OCA2: variants seen among roughly 807,000 people sequenced by gnomAD.
OCA2 encodes OCA2 melanosomal transmembrane protein.
OCA2 carries 77 observed loss-of-function variants against 100.2 expected under a neutral mutation model. The ratio of observed to expected loss-of-function variants is 0.77; its 90% confidence interval spans 0.64 to 0.93. The LOEUF is 0.93. Ranked by LOEUF, OCA2 falls within the 40% of genes least tolerant of loss-of-function variation. OCA2 has a pLI of 0.00. For missense variants in OCA2, 1,062 were observed against 1,089.1 expected (o/e 0.98, Z 0.35); for synonymous variants, 432 against 439.2 (o/e 0.98, Z 0.21).
chr15:27,819,996 C>T (rs766093582), intron 23 of OCA2, among the ~76,000 whole-genome samples: 9 of 152,232 alleles, frequency 5.9e-5, no homozygotes, highest in Middle Eastern at 3.4e-3. Flanking sequence ...ACGATGTTAG[C>T]GGCACACATC....
intron 19 of OCA2, among the ~76,000 whole-genome samples, chr15:27,872,972 G>GAGCCA (rs1157920719): frequency 6.6e-6 from 1 of 152,220 alleles, no homozygotes; most frequent in Non-Finnish European, 1.5e-5. Flanking sequence ...TTACAGGCGT[G>GAGCCA]AGCCAACGTG....
At chr15:28,082,023 A>AC (rs1391123997) in intron 1 of OCA2, 128 bp from the exon 2 acceptor site, 4 of 753,256 alleles carry the variant, frequency 5.3e-6, no homozygotes, top group Non-Finnish European at 8.9e-6. Flanking sequence ...CATCCTAACC[A>AC]CGCAAGAGCA....
intron 14 of OCA2, among the ~76,000 whole-genome samples, chr15:27,974,389 T>G (rs2040899594): frequency 6.6e-6 from 1 of 152,236 alleles, no homozygotes; most frequent in Non-Finnish European, 1.5e-5. Flanking sequence ...TTATCTCTAC[T>G]GAAGACACTG....
At position 27,755,832 on chromosome 15, in the gene OCA2, C is replaced by T. The variant is rs969120359; in HGVS notation, c.2433-360G>A. ...TTCCTCTACTTGTGTCATCTTCCAA[C>T]TTTTCTTCTCTGGAGATTTCCCAGA... On this transcript the variant is annotated intron_variant, in intron 23 of 23. Transcript: ENST00000354638. Among the ~76,000 whole-genome samples, 10 of 152,320 alleles carry T rather than the reference C, an allele frequency of 6.6e-5. No individual in the cohort carries two copies. In the South Asian group the frequency reaches 8.3e-4, roughly 13 times the overall value.
intron 23 of OCA2, among the ~76,000 whole-genome samples, chr15:27,782,334 G>A (rs1050847650): frequency 2.0e-5 from 3 of 152,186 alleles, no homozygotes; most frequent in African/African-American, 7.2e-5. Flanking sequence ...ACAAAACACA[G>A]TACAGCTGTC....
intron 23 of OCA2, 34 bp from the exon 24 acceptor site, chr15:27,755,506 G>A (rs747222770): frequency 9.1e-6 from 14 of 1,533,626 alleles, no homozygotes; most frequent in Non-Finnish European, 1.2e-5. Flanking sequence ...TATGGCATCT[G>A]AAATCTGGAT....
At position 28,027,801 on chromosome 15, in the gene OCA2, T is replaced by C; in HGVS notation, c.515+70A>G. ...TTCTTCACGCTGCTGGTTTGAAAGA[T>C]GGAGGGGCCATGTAGGACGCGATGT... On this transcript the variant is annotated intron_variant, in intron 4 of 23. Coordinates refer to ENST00000354638, the MANE Select transcript of OCA2 (RefSeq NM_000275.3). 2.0e-6 allele frequency: 3 copies of C among 1,493,868 alleles called. No individual in the cohort carries two copies. In the South Asian group the frequency reaches 3.4e-5, roughly 17 times the overall value. The allele number at this position is 1,493,868 out of a possible 1,614,324, so 92.5% of individuals were successfully genotyped here.
the OCA2 span, among the ~76,000 whole-genome samples, chr15:27,740,010 T>C: frequency 6.6e-6 from 1 of 152,220 alleles, no homozygotes; most frequent in Non-Finnish European, 1.5e-5. Flanking sequence ...AGGTACATGT[T>C]TGACTATACA....
chr15:27,729,499 CACT>C, the OCA2 span, among the ~76,000 whole-genome samples: 1 of 152,288 alleles, frequency 6.6e-6, no homozygotes, highest in South Asian at 2.1e-4. Flanking sequence ...CAATTCGTTA[CACT>C]ACCAGGCTCA....
intron 23 of OCA2, among the ~76,000 whole-genome samples, chr15:27,781,512 CATTG>C (rs575680985): frequency 2.6e-4 from 39 of 152,180 alleles, no homozygotes; most frequent in Non-Finnish European, 5.1e-4. Flanking sequence ...AGCACCTTAC[CATTG>C]ATTAATACTG....
At chr15:27,928,443 A>G (rs2039125005) in intron 18 of OCA2, among the ~76,000 whole-genome samples, 1 of 152,206 alleles carries the variant, frequency 6.6e-6, no homozygotes, top group Non-Finnish European at 1.5e-5. Flanking sequence ...CTAGTTTTCA[A>G]TTATATCATG....
At chr15:28,017,805 G>A (rs1019301901) in intron 7 of OCA2, among the ~76,000 whole-genome samples, 3 of 151,994 alleles carry the variant, frequency 2.0e-5, no homozygotes, top group African/African-American at 4.8e-5. Flanking sequence ...ATAATCCAGT[G>A]GAGTCTCCGA....
intron 15 of OCA2, among the ~76,000 whole-genome samples, chr15:27,958,996 G>A (rs185676060): frequency 3.9e-4 from 59 of 152,266 alleles, no homozygotes; most frequent in Admixed American, 7.8e-4. Context: ...TGTTCAGTAC[G>A]TGAGTGCTCA....
intron 19 of OCA2, chr15:27,895,739 T>C (rs1347683412): frequency 9.7e-6 from 3 of 309,450 alleles, no homozygotes; most frequent in Non-Finnish European, 1.9e-5. Flanking sequence ...TAAAGCCTAC[T>C]TTAAGAGATA....
downstream of OCA2, among the ~76,000 whole-genome samples, chr15:27,750,988 A>T (rs1445999335): frequency 6.6e-6 from 1 of 152,220 alleles, no homozygotes; most frequent in Non-Finnish European, 1.5e-5. Flanking sequence ...GAGGTCAGCC[A>T]GGTGCATTTG....
intron 19 of OCA2, among the ~76,000 whole-genome samples, chr15:27,900,836 ACAGACACAACACCAAGGTCT>A (rs1277776664): frequency 6.6e-6 from 1 of 152,216 alleles, no homozygotes; most frequent in African/African-American, 2.4e-5. Context: ...GCACTCGAGT[ACAGACACAACACCAAGGTCT>A]CAGGTCCTAT....
At chr15:27,887,688 T>C (rs556920771) in intron 19 of OCA2, among the ~76,000 whole-genome samples, 5 of 146,648 alleles carry the variant, frequency 3.4e-5, no homozygotes, top group Non-Finnish European at 7.5e-5. Context: ...AATGGACTAA[T>C]ACAGGAGCCC....
chr15:28,095,064 G>C (rs187240702), intron 1 of OCA2, among the ~76,000 whole-genome samples: 3 of 152,380 alleles, frequency 2.0e-5, no homozygotes, highest in Non-Finnish European at 4.4e-5. Context: ...GCAGCCAAGA[G>C]AGCGGTGCTG....
chr15:28,083,498 G>A (rs773293015), intron 1 of OCA2, among the ~76,000 whole-genome samples: 8 of 152,128 alleles, frequency 5.3e-5, no homozygotes, highest in Non-Finnish European at 1.0e-4. Flanking sequence ...AGTTGCATTG[G>A]TTTTAGACAG....
Sources: allele counts gnomAD v4.1 joint callset (sites outside exome capture counted in the v4.1 genomes callset), GRCh38; gene constraint gnomAD v4.1.1; transcripts MANE v1.5; gene names NCBI Gene and HGNC (gene_info 2026-07-23, HGNC 2026-07-21).